The following ACLY variants were observed in gnomAD, a reference collection of about 807,000 sequenced individuals.
The protein encoded by ACLY is ATP-citrate synthase.
A neutral mutation model predicts 133.0 loss-of-function variants in ACLY; 41 were observed. The observed-to-expected ratio is 0.31, with a 90% CI of 0.24 to 0.40. The LOEUF is 0.40. Ranked by LOEUF, ACLY falls within the 10% of genes least tolerant of loss-of-function variation. ACLY has a pLI of 1.00. For missense variants in ACLY, 1,046 were observed against 1,453.8 expected (o/e 0.72, Z 4.56); for synonymous variants, 495 against 549.3 (o/e 0.90, Z 1.38).
upstream of ACLY, among the ~76,000 whole-genome samples, chr17:41,920,887 C>T (rs1378316522): frequency 3.3e-5 from 5 of 152,080 alleles, no homozygotes; most frequent in African/African-American, 1.2e-4. Context: ...CAGGTGAAAC[C>T]CTGTTTCTAC....
At chr17:41,922,370 CAA>C (rs1164362085), upstream of ACLY, among the ~76,000 whole-genome samples, 1 of 30,930 alleles carries the variant, frequency 3.2e-5, no homozygotes, top group Non-Finnish European at 6.8e-5. Flanking sequence ...CAGAGCGAGA[CAA>C]AAAAAAAAAA....
chr17:41,888,444 T>C (rs1555628655), intron 16 of ACLY, among the ~76,000 whole-genome samples: 1 of 152,100 alleles, frequency 6.6e-6, no homozygotes, highest in Non-Finnish European at 1.5e-5. Context: ...CTTGTCACCA[T>C]CCCCACAGGA....
In ACLY at chr17:41,909,828, T is replaced by C; in HGVS notation, c.346-128A>G. The C allele has an allele frequency of 6.1e-6, 5 of 814,286 alleles. No homozygotes were observed. In the South Asian group the frequency reaches 9.2e-5, roughly 15 times the overall value. The allele number at this position is 814,286 out of a possible 1,614,324, so 50.4% of individuals were successfully genotyped here. A position where few individuals can be genotyped will look rare whatever the true frequency, so the allele number is the denominator to read the frequency against. Reference sequence around the variant, plus strand: ...AACCAATCCCCACGGTCTCATTTTCTAAAACCCAGTGAAAACCATTCATCC... The same window carrying C: ...AACCAATCCCCACGGTCTCATTTTCCAAAACCCAGTGAAAACCATTCATCC... On this transcript the variant is annotated intron_variant, in intron 4 of 28. Coordinates refer to ENST00000352035, the MANE Select transcript of ACLY (RefSeq NM_001096.3).
At chr17:41,896,471 C>G (rs2049368754) in intron 14 of ACLY, 149 bp downstream of exon 14, 2 of 662,298 alleles carry the variant, frequency 3.0e-6, no homozygotes, top group Non-Finnish European at 5.0e-6. Context: ...AGACTTAGGA[C>G]TTGGGGTCAG....
At chr17:41,886,465 G>A (rs541169604) in intron 17 of ACLY, among the ~76,000 whole-genome samples, 157 bp from the exon 18 acceptor site, 1 of 152,186 alleles carries the variant, frequency 6.6e-6, no homozygotes, top group African/African-American at 2.4e-5. Flanking sequence ...TCCTGCTTAG[G>A]AAAGTCTCCT....
At position 41,896,648 on chromosome 17, in the gene ACLY, AT is replaced by A; in HGVS notation, c.1430del (p.Asp477ValfsTer73). ...AKKAKPAMPQ[D>X]SVPSPRSLQG... ...GCAGGGATCTTGGACTTGGGACTGA[AT>A]CTGTCAAAGAAAATGACCAAGGCAA... On this transcript the variant is annotated frameshift_variant and splice_region_variant, in exon 14 of 29. Coordinates refer to ENST00000352035, the MANE Select transcript of ACLY (RefSeq NM_001096.3). LOFTEE classifies it high-confidence loss of function. The A allele has an allele frequency of 1.3e-6, 2 of 1,573,788 alleles. No homozygotes were observed. Among genetic ancestry groups the A allele is most frequent in the South Asian group, 2.4e-5 (2 of 83,862 alleles).
chr17:41,878,698 GA>G, intron 21 of ACLY, 98 bp downstream of exon 21: 1 of 1,453,414 alleles, frequency 6.9e-7, no homozygotes, highest in Non-Finnish European at 9.5e-7. Flanking sequence ...CACCGAGAGG[GA>G]CCAGGAATAC....
At chr17:41,915,048 C>A (rs971595377) in intron 1 of ACLY, among the ~76,000 whole-genome samples, 5 of 152,138 alleles carry the variant, frequency 3.3e-5, no homozygotes, top group African/African-American at 1.2e-4. Flanking sequence ...AACCCAAACC[C>A]TCTTACACCT....
In ACLY at chr17:41,901,763, T is replaced by C; in HGVS notation, c.1116A>G (p.Glu372=). 3 of 1,606,300 alleles carry C rather than the reference T, an allele frequency of 1.9e-6. No individual in the cohort carries two copies. Among genetic ancestry groups the C allele is most frequent in the Non-Finnish European group, 2.6e-6 (3 of 1,175,386 alleles). ...RDYQGPLKEH[E]VTIFVRRGGP... is the part of the protein sequence containing the mutation. The stretch of plus-strand genomic sequence containing the variant: ...CACCTCTTCGGACAAAGATTGTGAC[T>C]TCGTGCTCCTTCAGGGGGCCCTGGT... The change falls in exon 11 of 29, where the codon GAA becomes GAG. Residue 372 remains glutamate, a synonymous_variant. Coordinates refer to ENST00000352035, the MANE Select transcript of ACLY (RefSeq NM_001096.3).
intron 25 of ACLY, among the ~76,000 whole-genome samples, 180 bp downstream of exon 25, chr17:41,871,509 C>G (rs1420461247): frequency 6.6e-6 from 1 of 152,090 alleles, no homozygotes; most frequent in Non-Finnish European, 1.5e-5. Flanking sequence ...TGCACCACCA[C>G]GCCTGGCTAA....
chr17:41,925,446 A>AC (rs1325006663), intron 1 of ACLY, among the ~76,000 whole-genome samples: 2 of 151,304 alleles, frequency 1.3e-5, no homozygotes, highest in African/African-American at 4.9e-5. Context: ...AAAAAAAAAA[A>AC]AAAAAAACCC....
In ACLY at chr17:41,878,785, A is replaced by G; in HGVS notation, c.2393+12T>C. The G allele has an allele frequency of 1.9e-6, 3 of 1,613,626 alleles. No homozygotes were observed. The highest frequency in any genetic ancestry group is 1.7e-5 in the Admixed American group (1 of 59,976). ...GAGGGGGAGGCCGGCATCCTCCCCA[A>G]GGTCCACTTACTGGATGATCTCTCC... On this transcript the variant is annotated intron_variant, in intron 21 of 28. Coordinates refer to ENST00000352035, the MANE Select transcript of ACLY (RefSeq NM_001096.3).
intron 1 of ACLY, among the ~76,000 whole-genome samples, chr17:41,915,376 G>A (rs2050024035): frequency 6.6e-6 from 1 of 152,180 alleles, no homozygotes; most frequent in African/African-American, 2.4e-5. Context: ...AATAAAGGAG[G>A]GCAGAGTGAA....
intron 14 of ACLY, among the ~76,000 whole-genome samples, chr17:41,894,513 G>T (rs1352360198): frequency 6.6e-6 from 1 of 150,914 alleles, no homozygotes; most frequent in Non-Finnish European, 1.5e-5. Flanking sequence ...CTTGAGCCCA[G>T]GAATTCGAAA....
Position 41,883,141 on chromosome 17 carries a change from G to A in ACLY, c.2246C>T (p.Ala749Val). 1.9e-6 allele frequency: 3 copies of A among 1,613,850 alleles called. No homozygotes were observed. The highest frequency in any genetic ancestry group is 2.5e-6 in the Non-Finnish European group (3 of 1,179,982). The part of the protein sequence containing the change: ...PIVCWCIGTC[A>V]TMFSSEVQFG... The stretch of plus-strand genomic sequence containing the variant: ...CCATACCTCAGAGGAGAACATGGTG[G>A]CACACGTCCCGATGCACCAGCAGAC... The change falls in exon 20 of 29, where the codon GCC (alanine) becomes GTC (valine). Residue 749 changes from alanine (A) to valine (V), a missense_variant. Ala to Val is a moderately conservative substitution (Grantham distance 64). Coordinates refer to ENST00000352035, the MANE Select transcript of ACLY (RefSeq NM_001096.3).
Position 41,873,852 on chromosome 17 carries a change from C to G in ACLY, c.2601G>C (p.Met867Ile). 6.3e-7 allele frequency: 1 copy of G among 1,598,136 alleles called. No homozygotes were observed. Among genetic ancestry groups the G allele is most frequent in the African/African-American group, 1.3e-5 (1 of 74,544 alleles). Residue 867 changes from methionine to isoleucine, a missense_variant, in exon 23 of 29, where the codon ATG becomes ATC. Physicochemically the swap from Met to Ile is conservative, Grantham distance 10 (BLOSUM62 1). Coordinates refer to ENST00000352035, the MANE Select transcript of ACLY (RefSeq NM_001096.3). ...MPITEVFKEE[M>I]GIGGVLGLLW... ...GGAGGCCGAGGACCCCGCCAATGCCCATCTCTTCCTTGAAGACCTCAGTGA... is the reference window on the plus strand; with the variant it reads ...GGAGGCCGAGGACCCCGCCAATGCCGATCTCTTCCTTGAAGACCTCAGTGA...
intron 1 of ACLY, among the ~76,000 whole-genome samples, chr17:41,916,488 C>T (rs1198849943): frequency 1.3e-5 from 2 of 151,830 alleles, no homozygotes; most frequent in African/African-American, 2.4e-5. Context: ...ATTCTCCTGC[C>T]GCAGCCTCCT....
chr17:41,898,328 G>A (rs1451157653), intron 12 of ACLY, among the ~76,000 whole-genome samples: 1 of 152,074 alleles, frequency 6.6e-6, no homozygotes, highest in Non-Finnish European at 1.5e-5. Flanking sequence ...GGCCAGGCTG[G>A]TCTCGAACTC....
intron 10 of ACLY, among the ~76,000 whole-genome samples, chr17:41,902,510 A>G (rs1233522002): frequency 6.6e-6 from 1 of 152,210 alleles, no homozygotes; most frequent in Non-Finnish European, 1.5e-5. Context: ...CACCGCGCCC[A>G]GCGCGGTGTA....
Sources: allele counts gnomAD v4.1 joint callset (sites outside exome capture counted in the v4.1 genomes callset), GRCh38; gene constraint gnomAD v4.1.1; transcripts MANE v1.5; gene names NCBI Gene and HGNC (gene_info 2026-07-23, HGNC 2026-07-21).